CFAP299: variants seen among roughly 807,000 people sequenced by gnomAD.
CFAP299 encodes cilia- and flagella-associated protein 299.
Under a neutral mutation model 27.0 loss-of-function variants are expected in CFAP299, and 21 were observed. The observed-to-expected ratio is 0.78, with a 90% CI of 0.55 to 1.12. The LOEUF (loss-of-function observed/expected upper bound fraction) is 1.12. CFAP299 is among the 50% of genes most tolerant of loss of function. CFAP299 has a pLI of 0.00. For missense variants in CFAP299, 310 were observed against 276.6 expected (o/e 1.12, Z -0.86); for synonymous variants, 104 against 98.1 (o/e 1.06, Z -0.36).
chr4:80,949,328 A>G (rs1347942392), intron 5 of CFAP299, among the ~76,000 whole-genome samples: 1 of 152,168 alleles, frequency 6.6e-6, no homozygotes, highest in Non-Finnish European at 1.5e-5. Context: ...GATACATTGC[A>G]CAGGAGAGAA....
At chr4:80,497,937 A>G (rs1481258392) in intron 2 of CFAP299, among the ~76,000 whole-genome samples, 1 of 152,128 alleles carries the variant, frequency 6.6e-6, no homozygotes, top group East Asian at 1.9e-4. Context: ...CAGGTTAGAG[A>G]TCCCAGATAC....
intron 4 of CFAP299, among the ~76,000 whole-genome samples, chr4:80,904,963 G>A (rs1226361051): frequency 1.3e-5 from 2 of 151,954 alleles, no homozygotes; most frequent in African/African-American, 2.4e-5. Context: ...AATAAAAAGT[G>A]GTTTTATACC....
intron 3 of CFAP299, among the ~76,000 whole-genome samples, chr4:80,760,425 C>G (rs937200354): frequency 3.9e-5 from 6 of 152,088 alleles, no homozygotes; most frequent in African/African-American, 1.4e-4. Flanking sequence ...GCATCTTTCC[C>G]ACCATATGTA....
intron 3 of CFAP299, among the ~76,000 whole-genome samples, chr4:80,865,854 G>A (rs1732691497): frequency 2.1e-5 from 3 of 140,358 alleles, no homozygotes; most frequent in Admixed American, 7.5e-5. Flanking sequence ...TCACTCACAG[G>A]TGGGAATTGA....
At chr4:80,761,550 G>A (rs1725540260) in intron 3 of CFAP299, among the ~76,000 whole-genome samples, 1 of 151,880 alleles carries the variant, frequency 6.6e-6, no homozygotes, top group Middle Eastern at 3.4e-3. Flanking sequence ...CTTCACTTTA[G>A]ATTAAAATGC....
In CFAP299 at chr4:80,815,357, T is replaced by A. The variant is rs545516894; in HGVS notation, c.334-54636T>A. Among the ~76,000 whole-genome samples, 4 of 152,134 alleles carry A rather than the reference T, an allele frequency of 2.6e-5. No homozygotes were observed. The East Asian group carries it at 7.7e-4, about 29-fold the overall frequency. The stretch of plus-strand genomic sequence containing the variant: ...GTGTGTGTGTGTATGTGCAATGAAG[T>A]GTGAAACAATTTTCAGAGTAAAGTC... On this transcript the variant is annotated intron_variant, in intron 3 of 5. Coordinates refer to ENST00000358105, the MANE Select transcript of CFAP299 (RefSeq NM_152770.3).
At chr4:80,886,573 C>A (rs1475480249) in intron 4 of CFAP299, among the ~76,000 whole-genome samples, 2 of 152,136 alleles carry the variant, frequency 1.3e-5, no homozygotes, top group Non-Finnish European at 2.9e-5. Flanking sequence ...GGGCCCAAGT[C>A]CCTTTAAATA....
At chr4:80,735,458 G>T (rs572225653) in intron 3 of CFAP299, among the ~76,000 whole-genome samples, 1 of 152,170 alleles carries the variant, frequency 6.6e-6, no homozygotes, top group Admixed American at 6.5e-5. Flanking sequence ...GCTCTAGCTA[G>T]AACTTCCAGT....
chr4:80,511,399 A>C (rs557411771), intron 2 of CFAP299, among the ~76,000 whole-genome samples: 62 of 152,290 alleles, frequency 4.1e-4, no homozygotes, highest in Non-Finnish European at 7.5e-4. Context: ...TTAATGATTT[A>C]TAAATGAAAT....
intron 2 of CFAP299, among the ~76,000 whole-genome samples, chr4:80,447,149 T>G (rs1414453864): frequency 1.4e-5 from 2 of 139,148 alleles, no homozygotes; most frequent in South Asian, 2.4e-4. Flanking sequence ...TTTTTTTTTT[T>G]TTTTGAGACG....
intron 2 of CFAP299, among the ~76,000 whole-genome samples, chr4:80,413,726 A>G (rs1368527416): frequency 9.4e-6 from 1 of 106,786 alleles, no homozygotes; most frequent in African/African-American, 3.4e-5. Context: ...TCATTTCTTC[A>G]TTTGTCTGTA....
At chr4:80,645,174 T>G (rs1739938948) in intron 3 of CFAP299, among the ~76,000 whole-genome samples, 2 of 152,160 alleles carry the variant, frequency 1.3e-5, no homozygotes, top group Admixed American at 1.3e-4. Flanking sequence ...ACCCTCTTAA[T>G]GAATAGTACT....
intron 2 of CFAP299, among the ~76,000 whole-genome samples, chr4:80,547,165 CAT>C (rs1734276476): frequency 6.6e-6 from 1 of 151,976 alleles, no homozygotes; most frequent in Non-Finnish European, 1.5e-5. Context: ...GCATGGTACT[CAT>C]ATAAAAACAG....
At chr4:80,957,305 G>A (rs1481488085) in intron 5 of CFAP299, among the ~76,000 whole-genome samples, 1 of 152,156 alleles carries the variant, frequency 6.6e-6, no homozygotes, top group Non-Finnish European at 1.5e-5. Flanking sequence ...TTTGAAGGAA[G>A]AGCTTTCTAA....
intron 1 of CFAP299, among the ~76,000 whole-genome samples, chr4:80,358,131 C>A (rs138373890): frequency 1.1e-4 from 16 of 152,026 alleles, no homozygotes; most frequent in African/African-American, 3.6e-4. Context: ...ATTCAGTTTT[C>A]CTGTAATTTA....
chr4:80,627,947 A>G (rs1293358887), intron 3 of CFAP299, among the ~76,000 whole-genome samples: 1 of 152,128 alleles, frequency 6.6e-6, no homozygotes, highest in African/African-American at 2.4e-5. Flanking sequence ...TCCTATCAAA[A>G]TACCAATAAC....
intron 3 of CFAP299, among the ~76,000 whole-genome samples, chr4:80,684,084 A>G (rs1720017729): frequency 1.3e-5 from 2 of 152,210 alleles, no homozygotes; most frequent in South Asian, 2.1e-4. Context: ...AGATAAGCCT[A>G]TTCTTGCCTA....
rs1404331242 is a variant in CFAP299, at chr4:80,562,942, G to T, written c.243-20151G>T. Reference sequence around the variant, plus strand: ...ATGTTTCAGACAAAAATTATAAGAAGATACAAAGAAGGTCACTGTATAATG... The same window carrying T: ...ATGTTTCAGACAAAAATTATAAGAATATACAAAGAAGGTCACTGTATAATG... On this transcript the variant is annotated intron_variant, in intron 2 of 5. Transcript: ENST00000358105. Among the ~76,000 whole-genome samples the T allele has an allele frequency of 5.9e-5, 9 of 151,950 alleles. No individual in the cohort carries two copies. In the East Asian group the frequency reaches 1.7e-3, roughly 29 times the overall value.
intron 3 of CFAP299, among the ~76,000 whole-genome samples, chr4:80,590,967 A>T (rs954809874): frequency 2.6e-5 from 4 of 152,040 alleles, no homozygotes; most frequent in African/African-American, 7.2e-5. Flanking sequence ...GCTTAGCAGG[A>T]TGTTGGCTAC....
Sources: allele counts gnomAD v4.1 joint callset (sites outside exome capture counted in the v4.1 genomes callset), GRCh38; gene constraint gnomAD v4.1.1; transcripts MANE v1.5; gene names NCBI Gene and HGNC (gene_info 2026-07-23, HGNC 2026-07-21).